The following PPP1R12B variants were observed in gnomAD, a reference collection of about 807,000 sequenced individuals.
The protein encoded by PPP1R12B is myosin phosphatase target subunit 2.
PPP1R12B carries 76 observed loss-of-function variants against 126.1 expected under a neutral mutation model. The ratio of observed to expected loss-of-function variants is 0.60; its 90% CI spans 0.50 to 0.73. PPP1R12B has a LOEUF of 0.73. Among genes scored for constraint, PPP1R12B ranks in the 30% least tolerant of loss-of-function variants. The probability of loss-of-function intolerance (pLI) is 0.00; values close to 1 mark genes in which losing one functional copy is unlikely to be tolerated. For missense variants in PPP1R12B, 1,052 were observed against 1,205.1 expected, an observed-to-expected ratio of 0.87 and a Z score of 1.88; for synonymous variants, 356 against 434.7, an observed-to-expected ratio of 0.82 and a Z score of 2.25.
rs1178714956 is a variant in PPP1R12B, at chr1:202,560,244, A to T, written c.2507+1351A>T. Among the ~76,000 whole-genome samples the T allele has an allele frequency of 3.3e-5, 5 of 152,206 alleles. No homozygotes were observed. The South Asian group carries it at 6.2e-4, about 19-fold the overall frequency. ...TATAGGAAAAGCCTTTCCAAGTGTG[A>T]TACCATTACCGGAAAGGGGTCCTGA... On this transcript the variant is annotated intron_variant, in intron 19 of 23. Transcript: ENST00000608999.
intron 23 of PPP1R12B, chr1:202,575,249 G>T (rs1688991378): frequency 1.3e-5 from 18 of 1,390,984 alleles, no homozygotes; most frequent in Non-Finnish European, 1.5e-5. Flanking sequence ...GCCTCCATAT[G>T]CAGGTTCCTG....
At chr1:202,519,402 GTATAGGTGTTCACCAC>G (rs1682519876) in intron 18 of PPP1R12B, among the ~76,000 whole-genome samples, 1 of 151,852 alleles carries the variant, frequency 6.6e-6, no homozygotes, top group East Asian at 1.9e-4. Context: ...GTAGCTGGGA[GTATAGGTGTTCACCAC>G]TACACCCAGC....
intron 19 of PPP1R12B, among the ~76,000 whole-genome samples, chr1:202,562,427 A>G (rs556256236): frequency 9.7e-4 from 148 of 152,342 alleles, no homozygotes; most frequent in African/African-American, 3.5e-3. Flanking sequence ...AGCCATTGAA[A>G]TTCAAGAAAT....
intron 18 of PPP1R12B, 65 bp downstream of exon 18, chr1:202,496,887 G>A: frequency 6.8e-7 from 1 of 1,481,444 alleles, no homozygotes; most frequent in Admixed American, 1.8e-5. Context: ...TGTAATTTTA[G>A]TAGAAGAAAG....
intron 13 of PPP1R12B, among the ~76,000 whole-genome samples, chr1:202,456,662 G>T (rs1222575951): frequency 6.6e-6 from 1 of 152,194 alleles, no homozygotes; most frequent in Non-Finnish European, 1.5e-5. Context: ...CAAAGGAGTG[G>T]CAAGGAAGGA....
At chr1:202,358,952 TATTA>T (rs1657634573) in intron 1 of PPP1R12B, among the ~76,000 whole-genome samples, 1 of 152,194 alleles carries the variant, frequency 6.6e-6, no homozygotes, top group Non-Finnish European at 1.5e-5. Flanking sequence ...GGTTTTTCTG[TATTA>T]ATTATTGGTC....
chr1:202,387,373 G>A (rs1663324787), intron 1 of PPP1R12B, among the ~76,000 whole-genome samples: 1 of 152,080 alleles, frequency 6.6e-6, no homozygotes, highest in Admixed American at 6.6e-5. Flanking sequence ...AAAGATATGG[G>A]GATCATCTCT....
chr1:202,401,421 G>T (rs1665835841), intron 1 of PPP1R12B, among the ~76,000 whole-genome samples: 1 of 118,696 alleles, frequency 8.4e-6, no homozygotes, highest in Non-Finnish European at 1.6e-5. Flanking sequence ...CATTGCCCAG[G>T]CTGGTCTTGA....
intron 1 of PPP1R12B, among the ~76,000 whole-genome samples, chr1:202,360,076 C>G (rs1411501101): frequency 6.6e-6 from 1 of 152,026 alleles, no homozygotes; most frequent in Non-Finnish European, 1.5e-5. Flanking sequence ...TCTCTACAAC[C>G]TAGATTTTTC....
intron 8 of PPP1R12B, among the ~76,000 whole-genome samples, chr1:202,432,183 T>TC (rs1207939252): frequency 1.3e-5 from 2 of 152,158 alleles, no homozygotes; most frequent in Non-Finnish European, 2.9e-5. Context: ...TCTTTTTTTT[T>TC]CCCTCTCGTG....
chr1:202,379,922 T>A (rs1661952491), intron 1 of PPP1R12B, among the ~76,000 whole-genome samples: 1 of 152,206 alleles, frequency 6.6e-6, no homozygotes, highest in Non-Finnish European at 1.5e-5. Context: ...CACAGGAATC[T>A]GTATTTTTAC....
In PPP1R12B at chr1:202,591,663, G is replaced by A. The variant is rs1189649805; in HGVS notation, c.*11103G>A. On this transcript the variant is annotated 3_prime_UTR_variant, in exon 24 of 24. Transcript: ENST00000608999. ...TCTGTCAGACTGCAGGAGGATGCAC[G>A]AGGGAAGAGCGTCAGCCCCTGTATT... 6.5e-6 allele frequency: 1 copy of A among 152,672 alleles called. No individual in the cohort carries two copies. Among genetic ancestry groups the A allele is most frequent in the African/African-American group, 2.4e-5 (1 of 41,438 alleles). 9.5% of individuals were successfully genotyped at this position (152,672 alleles called of 1,614,324 possible).
At chr1:202,543,473 G>A (rs897930793) in intron 18 of PPP1R12B, among the ~76,000 whole-genome samples, 3 of 152,128 alleles carry the variant, frequency 2.0e-5, no homozygotes, top group African/African-American at 7.2e-5. Flanking sequence ...GGGCGCAGTG[G>A]CTCACACCTG....
At chr1:202,478,583 C>T (rs1676968870) in intron 13 of PPP1R12B, among the ~76,000 whole-genome samples, 1 of 151,852 alleles carries the variant, frequency 6.6e-6, no homozygotes, top group Non-Finnish European at 1.5e-5. Context: ...GTGTGATATT[C>T]ATAGTATATA....
intron 1 of PPP1R12B, among the ~76,000 whole-genome samples, chr1:202,362,984 C>T (rs1306382613): frequency 2.0e-5 from 3 of 152,126 alleles, no homozygotes; most frequent in Admixed American, 6.6e-5. Flanking sequence ...CAGGCATGCA[C>T]CATCATGCCC....
chr1:202,556,139 C>A (rs1456437264), intron 18 of PPP1R12B, among the ~76,000 whole-genome samples: 3 of 152,258 alleles, frequency 2.0e-5, no homozygotes, highest in Non-Finnish European at 2.9e-5. Flanking sequence ...GCCTCCCAAG[C>A]TGCTGGTATT....
chr1:202,445,207 C>T (rs1328933005), intron 12 of PPP1R12B: 15 of 1,246,584 alleles, frequency 1.2e-5, no homozygotes, highest in Non-Finnish European at 1.5e-5. Flanking sequence ...GCAAACACTA[C>T]TGCATCTGTA....
chr1:202,395,249 C>T (rs1664790977), intron 1 of PPP1R12B, among the ~76,000 whole-genome samples: 1 of 152,040 alleles, frequency 6.6e-6, no homozygotes, highest in Middle Eastern at 3.2e-3. Context: ...GACTTAAGCC[C>T]TCTCAAGTTG....
intron 13 of PPP1R12B, among the ~76,000 whole-genome samples, chr1:202,454,079 T>A (rs1673327146): frequency 6.6e-6 from 1 of 152,212 alleles, no homozygotes; most frequent in Non-Finnish European, 1.5e-5. Context: ...ATGAGTTAAA[T>A]TCATCATTAA....
Sources: gnomAD v4.1 joint callset for allele counts (sites outside exome capture counted in the v4.1 genomes callset) on GRCh38, gnomAD v4.1.1 for gene constraint, MANE v1.5 for transcripts, NCBI Gene and HGNC (gene_info 2026-07-23, HGNC 2026-07-21) for gene names.